Variants in MYLK observed in about 807,000 individuals in gnomAD.
MYLK encodes the protein myosin light chain kinase.
MYLK carries 106 observed loss-of-function variants against 203.4 expected under a neutral mutation model. That is an observed-to-expected ratio of 0.52 (90% CI 0.45 to 0.61). The LOEUF (loss-of-function observed/expected upper bound fraction) is 0.61, where lower values mean the gene tolerates loss of function less well. Ranked by LOEUF, MYLK falls within the 20% of genes least tolerant of loss-of-function variation. The pLI, the probability that MYLK is intolerant of heterozygous loss-of-function variation, is 0.00. For missense variants in MYLK, 2,072 were observed against 2,442.3 expected (o/e 0.85, Z 3.20); for synonymous variants, 867 against 959.5 (o/e 0.90, Z 1.78).
Position 123,648,993 on chromosome 3 carries a change from CGTA to C in MYLK, c.4390_4392del (p.Tyr1464del). The C allele has an allele frequency of 6.2e-7, 1 of 1,614,128 alleles. No individual in the cohort carries two copies. The highest frequency in any genetic ancestry group is 8.5e-7 in the Non-Finnish European group (1 of 1,180,008). On this transcript the variant is annotated inframe_deletion, in exon 26 of 34. Coordinates refer to ENST00000360304, the MANE Select transcript of MYLK (RefSeq NM_053025.4). This position sits in a 1 kb window ranked among gnomAD's most constrained non-coding sequence, Gnocchi z 4.5. ...TACGATCCTAATCTCTCCTCAATGT[CGTA>C]GAAGTCAGATACTTTTTGTTCAGTA... is the stretch of plus-strand genomic sequence containing the variant.
At chr3:123,796,996 G>C (rs1331388076) in intron 3 of MYLK, among the ~76,000 whole-genome samples, 2 of 152,296 alleles carry the variant, frequency 1.3e-5, no homozygotes, top group East Asian at 3.9e-4. Context: ...ACAGAAGATA[G>C]ACTATATTTT....
chr3:123,873,854 A>G lies in MYLK; in HGVS notation c.-127+2705T>C, dbSNP rs1401332764. ...TACTAAATCAATTGTAGTTATAAAT[A>G]CTAGCAATGAACAATTGGAAAACAG... On this transcript the variant is annotated intron_variant, in intron 2 of 33. Coordinates refer to ENST00000360304, the MANE Select transcript of MYLK (RefSeq NM_053025.4). 2.0e-5 allele frequency among the ~76,000 whole-genome samples: 3 copies of G among 152,158 alleles called. No individual in the cohort carries two copies. In the East Asian group the frequency reaches 5.8e-4, roughly 29 times the overall value.
At chr3:123,661,820 C>T (rs2059572723) in intron 23 of MYLK, among the ~76,000 whole-genome samples, 1 of 152,182 alleles carries the variant, frequency 6.6e-6, no homozygotes, top group Non-Finnish European at 1.5e-5. Flanking sequence ...TCTCCCGGGT[C>T]CCCTGTGTCC....
intron 13 of MYLK, among the ~76,000 whole-genome samples, chr3:123,713,378 C>A (rs192570183): frequency 1.3e-5 from 2 of 152,188 alleles, no homozygotes; most frequent in African/African-American, 4.8e-5. Flanking sequence ...TGGGCAGACC[C>A]AGAGCTCATG....
At chr3:123,709,134 ATTTTT>A (rs1161776768) in intron 14 of MYLK, 125 of 171,722 alleles carry the variant, frequency 7.3e-4, no homozygotes, top group South Asian at 2.0e-3. Flanking sequence ...TTCTCACATA[ATTTTT>A]TTTTTTTTTT....
intron 24 of MYLK, among the ~76,000 whole-genome samples, chr3:123,649,499 C>G (rs2059137788): frequency 6.6e-6 from 1 of 152,226 alleles, no homozygotes; most frequent in Admixed American, 6.5e-5. Flanking sequence ...TCATCCAACC[C>G]TTTCTGACTT....
chr3:123,799,972 G>A (rs1336716514), intron 3 of MYLK: 1 of 152,260 alleles, frequency 6.6e-6, no homozygotes, highest in Non-Finnish European at 1.5e-5. Flanking sequence ...GCGCCACAGA[G>A]CCCAGGGCCA....
rs56068068 is a variant in MYLK at position 123,629,676 on chromosome 3, G to A, written c.4962-50C>T. 0.029 allele frequency: 46,131 copies of A among 1,606,080 alleles called. 840 individuals carry two copies. The highest frequency in any genetic ancestry group is 0.033 in the Non-Finnish European group (38,693 of 1,174,572). ...AGGTGTGGCTAGGAGAGGGCGCGACGACCAGGTGAGTGGTAACTGAGGTCA... is the reference window on the plus strand; with the variant it reads ...AGGTGTGGCTAGGAGAGGGCGCGACAACCAGGTGAGTGGTAACTGAGGTCA... On this transcript the variant is annotated intron_variant, in intron 29 of 33. Transcript: ENST00000360304. The surrounding 1 kb of genome is among the most constrained non-coding windows in gnomAD (Gnocchi z 4.4).
At chr3:123,812,937 C>A (rs2065611751) in intron 3 of MYLK, among the ~76,000 whole-genome samples, 1 of 152,188 alleles carries the variant, frequency 6.6e-6, no homozygotes, top group Non-Finnish European at 1.5e-5. Flanking sequence ...CAATCCCACC[C>A]CACTTTTCTT....
intron 18 of MYLK, among the ~76,000 whole-genome samples, chr3:123,695,094 G>C (rs977479044): frequency 2.6e-5 from 4 of 152,220 alleles, no homozygotes; most frequent in Non-Finnish European, 5.9e-5. Context: ...GTTGGGGGCA[G>C]AGGGGAGGAA....
intron 4 of MYLK, among the ~76,000 whole-genome samples, chr3:123,756,142 G>A (rs2063351824): frequency 6.6e-6 from 1 of 152,188 alleles, no homozygotes; most frequent in Admixed American, 6.5e-5. Context: ...TGGTTTCCAG[G>A]TTGAGTGGTT....
In MYLK at chr3:123,648,213, G is replaced by A. The variant is rs962468101; in HGVS notation, c.4415+758C>T. ...CACCTCTTCTATTCCTCCAGGGACA[G>A]CGTAAGGGCAGATGAACAGCTTGGC... On this transcript the variant is annotated intron_variant, in intron 26 of 33. Transcript: ENST00000360304. This position sits in a 1 kb window ranked among gnomAD's most constrained non-coding sequence, Gnocchi z 4.5. Among the ~76,000 whole-genome samples the A allele has an allele frequency of 6.6e-6, 1 of 152,230 alleles. No individual in the cohort carries two copies. Among genetic ancestry groups the A allele is most frequent in the Non-Finnish European group, 1.5e-5 (1 of 68,044 alleles).
chr3:123,798,018 G>A (rs950676535), intron 3 of MYLK, among the ~76,000 whole-genome samples: 4 of 152,236 alleles, frequency 2.6e-5, no homozygotes, highest in Non-Finnish European at 5.9e-5. Context: ...CTGGGAAGGT[G>A]GGGAGGAGGG....
intron 15 of MYLK, 36 bp downstream of exon 15, chr3:123,708,662 T>C (rs1347197140): frequency 2.5e-6 from 4 of 1,612,452 alleles, no homozygotes; most frequent in Admixed American, 3.3e-5. Context: ...TGCAGCAGCA[T>C]CTCCTTCCCA....
intron 6 of MYLK, 112 bp downstream of exon 6, chr3:123,739,841 C>A (rs931946880): frequency 1.7e-6 from 2 of 1,175,034 alleles, no homozygotes; most frequent in Non-Finnish European, 2.6e-6. Flanking sequence ...AGGCTCCCGC[C>A]CTTTGGTTAT....
chr3:123,722,159 C>G lies in MYLK; in HGVS notation c.1773G>C (p.Gln591His). ...YTCLAENALG[Q>H]VSCSAWVTVH... The stretch of plus-strand genomic sequence containing the variant: ...CGGTGACCCAGGCGCTGCAGGACAC[C>G]TGCCCCAAGGCATTCTCAGCTAGGC... Residue 591 changes from glutamine to histidine, a missense_variant, in exon 13 of 34, where the codon CAG (glutamine) becomes CAC (histidine). Physicochemically the swap from Gln to His is conservative, Grantham distance 24. This residue lies in a region of MYLK where 865 missense variants were observed against 1,016.0 expected (regional missense o/e 0.85). Transcript: ENST00000360304. 1 of 1,565,280 alleles carries G rather than the reference C, an allele frequency of 6.4e-7. No homozygotes were observed. Among genetic ancestry groups the G allele is most frequent in the Non-Finnish European group, 8.7e-7 (1 of 1,154,694 alleles).
intron 4 of MYLK, among the ~76,000 whole-genome samples, chr3:123,793,180 G>A (rs1346227412): frequency 6.6e-6 from 1 of 152,144 alleles, no homozygotes; most frequent in Non-Finnish European, 1.5e-5. Context: ...CAAGTGACCA[G>A]TATTCATTTA....
At chr3:123,822,270 T>C (rs530379241) in intron 3 of MYLK, among the ~76,000 whole-genome samples, 28 of 152,294 alleles carry the variant, frequency 1.8e-4, no homozygotes, top group Admixed American at 5.9e-4. Flanking sequence ...CCAACACAGA[T>C]ACTGCCTCTA....
intron 3 of MYLK, among the ~76,000 whole-genome samples, chr3:123,805,299 G>A (rs1414770483): frequency 2.6e-5 from 4 of 152,246 alleles, no homozygotes; most frequent in South Asian, 2.1e-4. Flanking sequence ...TCTGCCTCCC[G>A]TGGCTGAAGC....
Sources: allele counts gnomAD v4.1 joint callset (sites outside exome capture counted in the v4.1 genomes callset), GRCh38; gene constraint gnomAD v4.1.1; regional missense constraint gnomAD v4.1.1; non-coding constraint Gnocchi (gnomAD v3.1); transcripts MANE v1.5; gene names NCBI Gene and HGNC (gene_info 2026-07-23, HGNC 2026-07-21).